Variants in SKAP1 observed in about 807,000 individuals in gnomAD.
The protein encoded by SKAP1 is src kinase associated phosphoprotein 1, also known as src kinase-associated phosphoprotein 1.
Under a neutral mutation model 58.5 loss-of-function variants are expected in SKAP1, and 44 were observed. The observed-to-expected ratio is 0.75, with a 90% CI of 0.59 to 0.97. SKAP1 has a LOEUF of 0.97. Among genes scored for constraint, SKAP1 ranks in the 50% least tolerant of loss-of-function variants. The pLI is 0.00. For synonymous variants in SKAP1, 127 were observed against 149.7 expected (o/e 0.85, Z 1.11); for missense variants, 390 against 435.2 (o/e 0.90, Z 0.92).
intron 1 of SKAP1, among the ~76,000 whole-genome samples, chr17:48,403,062 A>G (rs1278713868): frequency 3.9e-5 from 6 of 152,108 alleles, no homozygotes; most frequent in African/African-American, 1.4e-4. Context: ...ATAGTATGTG[A>G]ATTATATCTC....
rs1254004428 is a variant in SKAP1, at chr17:48,343,327, C to G, written c.280+2578G>C. 2.0e-5 allele frequency among the ~76,000 whole-genome samples: 3 copies of G among 152,090 alleles called. No homozygotes were observed. In the East Asian group the frequency reaches 5.8e-4, roughly 29 times the overall value. ...GCTAAAAATTTTGACACCTTTATAA[C>G]TTTCTCTTTAATTTCACAGGAAATG... On this transcript the variant is annotated intron_variant, in intron 4 of 12. Transcript: ENST00000336915.
chr17:48,368,474 G>A (rs772644877), intron 2 of SKAP1, among the ~76,000 whole-genome samples: 14 of 152,120 alleles, frequency 9.2e-5, no homozygotes, highest in Admixed American at 3.9e-4. Context: ...GCATATAAAT[G>A]CACACATACA....
chr17:48,403,815 A>G (rs766001188), intron 1 of SKAP1, among the ~76,000 whole-genome samples: 1 of 152,152 alleles, frequency 6.6e-6, no homozygotes. Flanking sequence ...AGCCGGGCAC[A>G]GTGGGTAACG....
At chr17:48,325,122 G>A (rs552790760) in intron 4 of SKAP1, among the ~76,000 whole-genome samples, 1 of 151,982 alleles carries the variant, frequency 6.6e-6, no homozygotes, top group South Asian at 2.1e-4. Flanking sequence ...GGTGGCGGGC[G>A]CCTGTAGTCC....
upstream of SKAP1, among the ~76,000 whole-genome samples, chr17:48,432,511 C>G (rs1401521840): frequency 6.6e-6 from 1 of 152,050 alleles, no homozygotes; most frequent in African/African-American, 2.4e-5. Context: ...ACCAGGTACC[C>G]CCATGGCATT....
intron 9 of SKAP1, among the ~76,000 whole-genome samples, chr17:48,173,186 T>TA (rs11453633): frequency 0.56 from 81,042 of 144,406 alleles, 23,048 homozygotes; most frequent in East Asian, 0.76. Context: ...ACCTTGTCTC[T>TA]AAAAAAAAAA....
chr17:48,180,258 C>G lies in SKAP1; in HGVS notation c.632-10G>C. ...GTTAAGGAGCTCAGATCTAACAAGG[C>G]AAAGATGAGAATGAATCAAGAAACA... is the stretch of plus-strand genomic sequence containing the variant. On this transcript the variant is annotated splice_polypyrimidine_tract_variant and intron_variant, in intron 8 of 12. Coordinates refer to ENST00000336915, the MANE Select transcript of SKAP1 (RefSeq NM_003726.4). 2 of 1,534,174 alleles carry G rather than the reference C, an allele frequency of 1.3e-6. No individual in the cohort carries two copies. Among genetic ancestry groups the G allele is most frequent in the South Asian group, 1.2e-5 (1 of 80,914 alleles).
chr17:48,302,581 T>C (rs571553667), intron 4 of SKAP1, among the ~76,000 whole-genome samples: 1 of 152,350 alleles, frequency 6.6e-6, no homozygotes, highest in African/African-American at 2.4e-5. Context: ...TTCTCTACCC[T>C]ACCTTGCTGT....
At chr17:48,325,669 T>C (rs2066427919) in intron 4 of SKAP1, among the ~76,000 whole-genome samples, 1 of 152,250 alleles carries the variant, frequency 6.6e-6, no homozygotes, top group African/African-American at 2.4e-5. Context: ...TAATAAAGTA[T>C]CTAATGTCAG....
intron 4 of SKAP1, among the ~76,000 whole-genome samples, chr17:48,238,743 C>T (rs1014520566): frequency 2.0e-5 from 3 of 152,104 alleles, no homozygotes; most frequent in South Asian, 2.1e-4. Flanking sequence ...GTAATAAGTG[C>T]ACAAAATTAA....
chr17:48,407,246 A>G (rs1242682595), intron 1 of SKAP1, among the ~76,000 whole-genome samples: 1 of 152,248 alleles, frequency 6.6e-6, no homozygotes, highest in Non-Finnish European at 1.5e-5. Flanking sequence ...ATAAGAAAGA[A>G]CATAAGTAAA....
chr17:48,264,816 A>G (rs1598485605), intron 4 of SKAP1, among the ~76,000 whole-genome samples: 1 of 151,156 alleles, frequency 6.6e-6, no homozygotes, highest in South Asian at 2.1e-4. Context: ...GTTGTGGCTG[A>G]CAGAACTGTA....
At chr17:48,291,827 T>C (rs1049207940) in intron 4 of SKAP1, among the ~76,000 whole-genome samples, 2 of 152,214 alleles carry the variant, frequency 1.3e-5, no homozygotes, top group African/African-American at 4.8e-5. Flanking sequence ...TCCCATGATA[T>C]CCCTTTGTAA....
At chr17:48,356,985 G>A (rs953592048) in intron 3 of SKAP1, among the ~76,000 whole-genome samples, 8 of 151,932 alleles carry the variant, frequency 5.3e-5, no homozygotes, top group South Asian at 2.1e-4. Flanking sequence ...TCCATATTAC[G>A]TATTACATAC....
intron 3 of SKAP1, among the ~76,000 whole-genome samples, chr17:48,349,384 A>G (rs2066766639): frequency 6.6e-6 from 1 of 152,216 alleles, no homozygotes; most frequent in East Asian, 1.9e-4. Context: ...CTATCTGCTT[A>G]GAGTGGATTT....
chr17:48,204,918 A>ATCCT (rs72185809), intron 4 of SKAP1, among the ~76,000 whole-genome samples: 3,853 of 149,532 alleles, frequency 0.026, 61 homozygotes, highest in Middle Eastern at 0.058. Flanking sequence ...TGTCAAGGAA[A>ATCCT]TCCTTCCTTC....
chr17:48,316,517 A>C (rs2066289809), intron 4 of SKAP1, among the ~76,000 whole-genome samples: 2 of 152,044 alleles, frequency 1.3e-5, no homozygotes, highest in Non-Finnish European at 2.9e-5. Flanking sequence ...TCTGCCTTTC[A>C]GTCTTTTTTG....
At chr17:48,333,301 T>G (rs2066528580) in intron 4 of SKAP1, among the ~76,000 whole-genome samples, 1 of 152,110 alleles carries the variant, frequency 6.6e-6, no homozygotes, top group African/African-American at 2.4e-5. Flanking sequence ...AGAAATAACA[T>G]AAGTATGTAA....
At chr17:48,383,577 T>C (rs1016785360) in intron 2 of SKAP1, among the ~76,000 whole-genome samples, 1 of 152,236 alleles carries the variant, frequency 6.6e-6, no homozygotes, top group African/African-American at 2.4e-5. Context: ...GGAAGACAGC[T>C]GTTTATTTGC....
Sources: gnomAD v4.1 joint callset for allele counts (sites outside exome capture counted in the v4.1 genomes callset) on GRCh38, gnomAD v4.1.1 for gene constraint, MANE v1.5 for transcripts, NCBI Gene and HGNC (gene_info 2026-07-23, HGNC 2026-07-21) for gene names.